LIN37: variants seen among roughly 807,000 people sequenced by gnomAD.
The protein encoded by LIN37 is protein lin-37 homolog.
In LIN37, 21 loss-of-function variants were observed where a neutral mutation model predicts 38.0. The observed-to-expected ratio is 0.55, with a 90% CI of 0.39 to 0.80. The LOEUF (loss-of-function observed/expected upper bound fraction) is 0.80. Among genes scored for constraint, LIN37 ranks in the 30% least tolerant of loss-of-function variants. The pLI is 0.00. For synonymous variants in LIN37, 126 were observed against 122.9 expected (o/e 1.03, Z -0.17); for missense variants, 273 against 338.5 (o/e 0.81, Z 1.52).
intron 6 of LIN37, chr19:35,753,566 G>T (rs1970710603): frequency 1.9e-6 from 1 of 528,318 alleles, no homozygotes; most frequent in East Asian, 3.4e-5. Flanking sequence ...ACAGACAGAA[G>T]TGGCCACCAG....
rs199605769 is a variant in LIN37 at position 35,753,204 on chromosome 19, G to A, written c.395G>A (p.Arg132His). ...CGCAACAGCCCCTCTGTGCGCGAGC[G>A]TGAATGCTCTCCCAGCTCACCCCTG... ...WMRNSPSVRE[R>H]ECSPSSPLPP... Residue 132 changes from arginine (R) to histidine (H), a missense_variant, in exon 6 of 9, where the codon CGT becomes CAT. Transcript: ENST00000301159. 768 of 1,564,920 alleles carry A rather than the reference G, an allele frequency of 4.9e-4. 6 individuals are homozygous for A. The highest frequency in any genetic ancestry group is 5.5e-5 in the Non-Finnish European group (63 of 1,155,286).
intron 3 of LIN37, 127 bp downstream of exon 3, chr19:35,752,611 A>T: frequency 1.6e-6 from 2 of 1,251,760 alleles, no homozygotes; most frequent in Non-Finnish European, 2.3e-6. Flanking sequence ...CTGTACAAAG[A>T]CCCTGTGGCA....
At chr19:35,753,894 C>CT in intron 6 of LIN37, 123 bp from the exon 7 acceptor site, 2 of 1,136,552 alleles carry the variant, frequency 1.8e-6, no homozygotes, top group Non-Finnish European at 2.5e-6. Context: ...TGCCTCCTGT[C>CT]TGAGTCCCTT....
rs910544328 is a variant in LIN37, at chr19:35,753,018, T to C, written c.277+19T>C. On this transcript the variant is annotated intron_variant, in intron 5 of 8. Transcript: ENST00000301159. ...CGATCCAGTGAGTAGACAGTGGCCC[T>C]AGAGGGTCGGTAAGGAGCCAAGGGC... is the stretch of plus-strand genomic sequence containing the variant. The C allele has an allele frequency of 4.5e-6, 7 of 1,569,916 alleles. No individual in the cohort carries two copies. The highest frequency in any genetic ancestry group is 2.3e-5 in the East Asian group (1 of 42,644).
At chr19:35,750,238 AGGCTTCAGGCCCAAGTCGGGG>A (rs1218099132) in intron 1 of LIN37, among the ~76,000 whole-genome samples, 6 of 152,012 alleles carry the variant, frequency 3.9e-5, no homozygotes, top group Non-Finnish European at 7.4e-5. Flanking sequence ...CTTGAGAGGG[AGGCTTCAGGCCCAAGTCGGGG>A]GTTCAGGAGA....
At position 35,748,769 on chromosome 19, in the gene LIN37, T is replaced by A. The variant is rs780591915; in HGVS notation, c.34+11T>A. 6.2e-7 allele frequency: 1 copy of A among 1,613,746 alleles called. No individual in the cohort carries two copies. Among genetic ancestry groups the A allele is most frequent in the African/African-American group, 1.3e-5 (1 of 74,928 alleles). On this transcript the variant is annotated intron_variant, in intron 1 of 8. Coordinates refer to ENST00000301159, the MANE Select transcript of LIN37 (RefSeq NM_019104.3). ...AAGTGGAGAAATCAGGTGAGGACCC[T>A]GACGTCGGGGGCCTGTCGGGACCAT...
At chr19:35,750,614 A>C (rs1482373073) in intron 1 of LIN37, among the ~76,000 whole-genome samples, 1 of 152,212 alleles carries the variant, frequency 6.6e-6, no homozygotes, top group Non-Finnish European at 1.5e-5. Flanking sequence ...AGGTGGGCCT[A>C]GATCTCATTT....
intron 6 of LIN37, chr19:35,753,576 G>A: frequency 7.7e-6 from 4 of 521,520 alleles, no homozygotes; most frequent in Non-Finnish European, 1.4e-5. Flanking sequence ...GTGGCCACCA[G>A]GCCTTGAGGA....
chr19:35,750,224 G>A (rs914612209), intron 1 of LIN37, among the ~76,000 whole-genome samples: 1 of 152,240 alleles, frequency 6.6e-6, no homozygotes, highest in Non-Finnish European at 1.5e-5. Flanking sequence ...ACAGTGAGGC[G>A]ACCCTTGAGA....
chr19:35,752,297 G>A, intron 2 of LIN37, 46 bp downstream of exon 2: 1 of 1,583,886 alleles, frequency 6.3e-7, no homozygotes, highest in Non-Finnish European at 8.6e-7. Context: ...GGTGGGTTGG[G>A]CCCTCTGATC....
chr19:35,749,026 G>T (rs765133183), intron 1 of LIN37: 75 of 1,235,508 alleles, frequency 6.1e-5, no homozygotes, highest in Non-Finnish European at 7.2e-5. Context: ...TCTGAGAAGG[G>T]CCCTTTTCTT....
rs1471554987 is a variant in LIN37, at chr19:35,753,260, T to A, written c.444+7T>A. 1.9e-6 allele frequency: 3 copies of A among 1,544,944 alleles called. No homozygotes were observed. Among genetic ancestry groups the A allele is most frequent in the Non-Finnish European group, 2.6e-6 (3 of 1,147,164 alleles). On this transcript the variant is annotated splice_region_variant and intron_variant, in intron 6 of 8. Coordinates refer to ENST00000301159, the MANE Select transcript of LIN37 (RefSeq NM_019104.3). ...GCTGCCTGAGGATGAGGAGGTGGGA[T>A]GGGTAGTGGGTCCCAGCCCAGCAGC...
At position 35,754,236 on chromosome 19, in the gene LIN37, G is replaced by A. The variant is rs1970722477; in HGVS notation, c.586-10G>A. 2 of 1,613,882 alleles carry A rather than the reference G, an allele frequency of 1.2e-6. No homozygotes were observed. Among genetic ancestry groups the A allele is most frequent in the Admixed American group, 1.7e-5 (1 of 60,000 alleles). On this transcript the variant is annotated splice_polypyrimidine_tract_variant and intron_variant, in intron 7 of 8. Coordinates refer to ENST00000301159, the MANE Select transcript of LIN37 (RefSeq NM_019104.3). ...AATGGCCACTCAACCTGGCCTGTCT[G>A]TCCATGCAGCCCTCTGAGCCCGAGC...
At position 35,754,066 on chromosome 19, in the gene LIN37, C is replaced by T; in HGVS notation, c.494C>T (p.Pro165Leu). The T allele has an allele frequency of 6.2e-7, 1 of 1,613,900 alleles. No individual in the cohort carries two copies. Among genetic ancestry groups the T allele is most frequent in the Non-Finnish European group, 8.5e-7 (1 of 1,179,876 alleles). ...AGTCGTGATGTGTACAAGCTGCCGCCACCCACACCCCCGGGGCCACCCGGA... is the reference window on the plus strand; with the variant it reads ...AGTCGTGATGTGTACAAGCTGCCGCTACCCACACCCCCGGGGCCACCCGGA... ...SKSRDVYKLP[P>L]PTPPGPPGDA... is the part of the protein sequence containing the mutation. Residue 165 changes from proline to leucine, a missense_variant, in exon 7 of 9, where the codon CCA becomes CTA. Coordinates refer to ENST00000301159, the MANE Select transcript of LIN37 (RefSeq NM_019104.3).
In LIN37 at chr19:35,748,928, G is replaced by A. The variant is rs1970640777; in HGVS notation, c.34+170G>A. 8.6e-6 allele frequency: 13 copies of A among 1,515,780 alleles called. No homozygotes were observed. The South Asian group carries it at 1.6e-4, about 19-fold the overall frequency. 93.9% of individuals were successfully genotyped at this position (1,515,780 alleles called of 1,614,324 possible). A position where few individuals can be genotyped will look rare whatever the true frequency, so the allele number is the denominator to read the frequency against. On this transcript the variant is annotated intron_variant, in intron 1 of 8. Coordinates refer to ENST00000301159, the MANE Select transcript of LIN37 (RefSeq NM_019104.3). Reference sequence around the variant, plus strand: ...TGCCTGCCACCTTCACACCCTCCCGGTGTGCGCTTGAAGTCGCTTTGAGAT... The same window carrying A: ...TGCCTGCCACCTTCACACCCTCCCGATGTGCGCTTGAAGTCGCTTTGAGAT...
Position 35,752,274 on chromosome 19 carries a change from G to A in LIN37, c.110+23G>A, listed in dbSNP as rs913550790. Reference sequence around the variant, plus strand: ...CAGGTAGGCCAGCGTGGGGTCACAGGGCCGGGCACCCTGGTGGGTTGGGCC... The same window carrying A: ...CAGGTAGGCCAGCGTGGGGTCACAGAGCCGGGCACCCTGGTGGGTTGGGCC... On this transcript the variant is annotated intron_variant, in intron 2 of 8. Transcript: ENST00000301159. The A allele has an allele frequency of 2.5e-6, 4 of 1,598,388 alleles. No homozygotes were observed. The African/African-American group carries it at 5.4e-5, about 21-fold the overall frequency.
At chr19:35,752,572 TA>T (rs1970693233) in intron 3 of LIN37, 88 bp downstream of exon 3, 20 of 1,420,166 alleles carry the variant, frequency 1.4e-5, no homozygotes, top group Non-Finnish European at 2.0e-5. Context: ...AGCCCAGCGC[TA>T]CCTCCATCGT....
chr19:35,748,838 GA>G, intron 1 of LIN37, 80 bp downstream of exon 1: 1 of 1,610,434 alleles, frequency 6.2e-7, no homozygotes, highest in Non-Finnish European at 8.5e-7. Context: ...GAGTATCGCG[GA>G]AAGGGGACTG....
intron 6 of LIN37, 85 bp from the exon 7 acceptor site, chr19:35,753,932 G>A (rs1276073007): frequency 3.3e-6 from 5 of 1,493,406 alleles, no homozygotes; most frequent in African/African-American, 2.8e-5. Context: ...ATTTGTTGCT[G>A]GGAAAGGCAG....
Sources: allele counts gnomAD v4.1 joint callset (sites outside exome capture counted in the v4.1 genomes callset), GRCh38; gene constraint gnomAD v4.1.1; transcripts MANE v1.5; gene names NCBI Gene and HGNC (gene_info 2026-07-23, HGNC 2026-07-21).